The following GOLM2 variants were observed in gnomAD, a reference collection of about 807,000 sequenced individuals.
GOLM2 encodes the protein protein GOLM2.
A neutral mutation model predicts 55.9 loss-of-function variants in GOLM2; 26 were observed. The ratio of observed to expected loss-of-function variants is 0.47; its 90% CI spans 0.34 to 0.65. The LOEUF is 0.65. Ranked by LOEUF, GOLM2 falls within the 30% of genes least tolerant of loss-of-function variation. GOLM2 has a pLI of 0.01. For synonymous variants in GOLM2, 165 were observed against 194.6 expected (o/e 0.85, Z 1.27); for missense variants, 486 against 531.8 (o/e 0.91, Z 0.85).
chr15:44,310,644 G>A (rs1483989727), intron 1 of GOLM2, among the ~76,000 whole-genome samples: 3 of 151,762 alleles, frequency 2.0e-5, no homozygotes, highest in Admixed American at 6.6e-5. Context: ...ATTTGAGGCT[G>A]CAGTGAGCTA....
At chr15:44,384,203 T>C (rs1188891991) in intron 8 of GOLM2, among the ~76,000 whole-genome samples, 2 of 152,186 alleles carry the variant, frequency 1.3e-5, no homozygotes, top group Non-Finnish European at 2.9e-5. Context: ...AGTTCCAGAA[T>C]ATTTTCATCA....
chr15:44,315,708 TTTA>T (rs1195332248), intron 1 of GOLM2, among the ~76,000 whole-genome samples: 1 of 151,970 alleles, frequency 6.6e-6, no homozygotes, highest in African/African-American at 2.4e-5. Flanking sequence ...GTAAACACAT[TTTA>T]AGAGATTCAC....
At chr15:44,341,333 G>T (rs1356712210) in intron 6 of GOLM2, among the ~76,000 whole-genome samples, 1 of 152,020 alleles carries the variant, frequency 6.6e-6, no homozygotes, top group Non-Finnish European at 1.5e-5. Context: ...GCCTGCCTCA[G>T]CCTCCCAAAG....
chr15:44,369,381 C>G lies in GOLM2; in HGVS notation c.803-10309C>G, dbSNP rs146917337. Among the ~76,000 whole-genome samples, 1,056 of 151,334 alleles carry G rather than the reference C, an allele frequency of 7.0e-3. 6 individuals carry two copies. Among genetic ancestry groups the G allele is most frequent in the South Asian group, 0.01 (49 of 4,788 alleles). Reference sequence around the variant, plus strand: ...AGCCTCCCACCACTCTCTATCACATCTCCCTGTTTTAATTTATACACAGCA... The same window carrying G: ...AGCCTCCCACCACTCTCTATCACATGTCCCTGTTTTAATTTATACACAGCA... On this transcript the variant is annotated intron_variant, in intron 6 of 9. Transcript: ENST00000299957.
chr15:44,341,632 T>C (rs897200485), intron 6 of GOLM2, among the ~76,000 whole-genome samples: 1 of 152,004 alleles, frequency 6.6e-6, no homozygotes, highest in Non-Finnish European at 1.5e-5. Context: ...AGAAATCTTA[T>C]CTTGCCGCTT....
intron 8 of GOLM2, among the ~76,000 whole-genome samples, chr15:44,398,033 G>C (rs1271891406): frequency 6.6e-6 from 1 of 152,148 alleles, no homozygotes; most frequent in Admixed American, 6.6e-5. Flanking sequence ...TACCTAAATA[G>C]ATACTGGAGA....
At position 44,411,569 on chromosome 15, in the gene GOLM2, C is replaced by T. The variant is rs143124993; in HGVS notation, c.1241-1767C>T. ...AAATCCATGTACTCTACGCCAGGCG[C>T]GGTGGCTTATGCCTGTAATCCCAGT... On this transcript the variant is annotated intron_variant, in intron 9 of 9. Transcript: ENST00000299957. Among the ~76,000 whole-genome samples the T allele has an allele frequency of 2.9e-4, 44 of 152,108 alleles. 2 individuals carry two copies. In the East Asian group the frequency reaches 7.5e-3, roughly 26 times the overall value.
intron 6 of GOLM2, among the ~76,000 whole-genome samples, chr15:44,343,550 G>A (rs963870934): frequency 6.6e-6 from 1 of 152,040 alleles, no homozygotes; most frequent in South Asian, 2.1e-4. Flanking sequence ...TCCTGGCTGG[G>A]CATAGTGGCT....
intron 6 of GOLM2, among the ~76,000 whole-genome samples, chr15:44,378,837 C>T (rs1006797996): frequency 7.3e-5 from 11 of 151,190 alleles, no homozygotes; most frequent in African/African-American, 2.4e-4. Context: ...CTTCCGCCTC[C>T]CAGATTCAAG....
intron 6 of GOLM2, among the ~76,000 whole-genome samples, chr15:44,374,377 G>A (rs975311353): frequency 3.9e-5 from 6 of 151,988 alleles, no homozygotes; most frequent in Non-Finnish European, 8.8e-5. Flanking sequence ...GGCCAGGCAC[G>A]ATGGTTCACG....
intron 7 of GOLM2, among the ~76,000 whole-genome samples, chr15:44,380,059 A>G (rs1029456610): frequency 6.6e-6 from 1 of 152,094 alleles, no homozygotes; most frequent in African/African-American, 2.4e-5. Flanking sequence ...TGCCTGCTAT[A>G]CAGGTTTAGC....
chr15:44,316,281 A>G lies in GOLM2; in HGVS notation c.328-6684A>G, dbSNP rs955223774. On this transcript the variant is annotated intron_variant, in intron 1 of 9. Coordinates refer to ENST00000299957, the MANE Select transcript of GOLM2 (RefSeq NM_138423.4). Reference sequence around the variant, plus strand: ...TGTGGTGGCCTGAGCCTGTTGTCACAGCTACTGAGTTCGAGTTCAGCCTGG... The same window carrying G: ...TGTGGTGGCCTGAGCCTGTTGTCACGGCTACTGAGTTCGAGTTCAGCCTGG... Among the ~76,000 whole-genome samples the G allele has an allele frequency of 2.2e-4, 33 of 152,136 alleles. 1 individual carries two copies. The highest frequency in any genetic ancestry group is 5.9e-5 in the Non-Finnish European group (4 of 68,040).
intron 1 of GOLM2, among the ~76,000 whole-genome samples, chr15:44,291,681 G>A (rs1266544464): frequency 6.6e-6 from 1 of 152,182 alleles, no homozygotes; most frequent in African/African-American, 2.4e-5. Context: ...GGACTCTCCA[G>A]TCTTATCTTC....
chr15:44,364,908 G>A (rs2079273893), intron 6 of GOLM2, among the ~76,000 whole-genome samples: 2 of 152,116 alleles, frequency 1.3e-5, no homozygotes, highest in Admixed American at 1.3e-4. Flanking sequence ...CAAGGACGTG[G>A]AACAAAAGCA....
intron 4 of GOLM2, 79 bp from the exon 5 acceptor site, chr15:44,337,684 C>G: frequency 9.6e-7 from 1 of 1,039,206 alleles, no homozygotes; most frequent in Non-Finnish European, 1.4e-6. Context: ...TGAACTGTTT[C>G]AGAACATTTA....
At chr15:44,375,417 T>C (rs185692281) in intron 6 of GOLM2, among the ~76,000 whole-genome samples, 1 of 152,348 alleles carries the variant, frequency 6.6e-6, no homozygotes, top group African/African-American at 2.4e-5. Flanking sequence ...CTCACATTTG[T>C]TACAGGTTTT....
chr15:44,413,844 CTT>C lies in GOLM2; in HGVS notation c.*439_*440del, dbSNP rs2079655437. On this transcript the variant is annotated 3_prime_UTR_variant, in exon 10 of 10. Coordinates refer to ENST00000299957, the MANE Select transcript of GOLM2 (RefSeq NM_138423.4). ...TTTTTTTTTGAGACAGAGTTTTAGTCTTGTTTCCCAGGCTGGAGTGCAATGGC... is the reference window on the plus strand; with the variant it reads ...TTTTTTTTTGAGACAGAGTTTTAGTCGTTTCCCAGGCTGGAGTGCAATGGC... 1 of 138,142 alleles carries C rather than the reference CTT, an allele frequency of 7.2e-6. No individual in the cohort carries two copies. Among genetic ancestry groups the C allele is most frequent in the African/African-American group, 2.7e-5 (1 of 36,524 alleles). 8.6% of individuals were successfully genotyped at this position (138,142 alleles called of 1,614,324 possible). A position where few individuals can be genotyped will look rare whatever the true frequency, so the allele number is the denominator to read the frequency against.
intron 1 of GOLM2, among the ~76,000 whole-genome samples, chr15:44,290,359 A>G (rs1490223004): frequency 6.6e-6 from 1 of 152,204 alleles, no homozygotes. Context: ...GTAAATGCCC[A>G]TTATAATTAC....
chr15:44,328,681 A>C lies in GOLM2; in HGVS notation c.383-4A>C. On this transcript the variant is annotated splice_region_variant and splice_polypyrimidine_tract_variant and intron_variant, in intron 2 of 9. Coordinates refer to ENST00000299957, the MANE Select transcript of GOLM2 (RefSeq NM_138423.4). ...TTCCTTTGGTTCTTACCTTGGGTGG[A>C]TAGAGCAACTTGCTGAGCTTCGTCA... 6.2e-7 allele frequency: 1 copy of C among 1,610,310 alleles called. No homozygotes were observed. Among genetic ancestry groups the C allele is most frequent in the Non-Finnish European group, 8.5e-7 (1 of 1,177,966 alleles).
Sources: allele counts gnomAD v4.1 joint callset (sites outside exome capture counted in the v4.1 genomes callset), GRCh38; gene constraint gnomAD v4.1.1; transcripts MANE v1.5; gene names NCBI Gene and HGNC (gene_info 2026-07-23, HGNC 2026-07-21).